TMEM236: variants seen among roughly 807,000 people sequenced by gnomAD.
TMEM236 encodes the protein transmembrane protein 236.
A neutral mutation model predicts 14.7 loss-of-function variants in TMEM236; 11 were observed. That is an observed-to-expected ratio of 0.75 (90% CI 0.47 to 1.24). The LOEUF (loss-of-function observed/expected upper bound fraction) is 1.24. Ranked by LOEUF, TMEM236 falls within the 50% of genes most tolerant of loss-of-function variation. The probability of loss-of-function intolerance (pLI) is 0.00; values close to 1 mark genes in which losing one functional copy is unlikely to be tolerated. For missense variants in TMEM236, 464 were observed against 427.3 expected (o/e 1.09, Z -0.76); for synonymous variants, 182 against 168.6 (o/e 1.08, Z -0.62).
intron 1 of TMEM236, among the ~76,000 whole-genome samples, chr10:17,768,086 G>GTTTTTTTTTTTTTTT (rs879036347): frequency 2.6e-4 from 24 of 92,022 alleles, no homozygotes; most frequent in Non-Finnish European, 3.7e-4. Context: ...AATTTTTGTG[G>GTTTTTTTTTTTTTTT]TTTTTTTTTT....
At chr10:17,777,069 A>C (rs1554835179) in intron 3 of TMEM236, among the ~76,000 whole-genome samples, 1 of 152,152 alleles carries the variant, frequency 6.6e-6, no homozygotes. Context: ...CAACTGAGTG[A>C]GCCTCAGGAG....
At position 17,795,984 on chromosome 10, in the gene TMEM236, T is replaced by G; in HGVS notation, c.536T>G (p.Val179Gly). ...LQHIKTVTEQ[V>G]RQSPENAASP... is the part of the protein sequence containing the mutation. Reference sequence around the variant, plus strand: ...CACATAAAAACTGTGACGGAGCAAGTGAGGCAAAGTCCAGAAAACGCTGCA... The same window carrying G: ...CACATAAAAACTGTGACGGAGCAAGGGAGGCAAAGTCCAGAAAACGCTGCA... Residue 179 changes from valine (V) to glycine (G), a missense_variant, in exon 4 of 4, where the codon GTG (valine) becomes GGG (glycine). By Grantham distance (109) the Val-to-Gly change is moderately radical. Transcript: ENST00000377495. 1 of 1,613,890 alleles carries G rather than the reference T, an allele frequency of 6.2e-7. No individual in the cohort carries two copies. The highest frequency in any genetic ancestry group is 8.5e-7 in the Non-Finnish European group (1 of 1,179,862).
intron 3 of TMEM236, among the ~76,000 whole-genome samples, chr10:17,794,252 C>T (rs1353505822): frequency 6.6e-6 from 1 of 152,026 alleles, no homozygotes; most frequent in Admixed American, 6.6e-5. Context: ...TTTTTATTGA[C>T]TTTGTCTCTT....
intron 1 of TMEM236, among the ~76,000 whole-genome samples, chr10:17,754,205 G>A (rs920650916): frequency 3.7e-4 from 57 of 152,270 alleles, no homozygotes; most frequent in African/African-American, 1.3e-3. Flanking sequence ...TTAATTTTGC[G>A]TAAAACTGAA....
At chr10:17,781,500 G>A (rs1477377420) in intron 3 of TMEM236, among the ~76,000 whole-genome samples, 1 of 152,062 alleles carries the variant, frequency 6.6e-6, no homozygotes, top group East Asian at 1.9e-4. Context: ...CACTTTGTGG[G>A]GCTGAGGTTG....
intron 1 of TMEM236, among the ~76,000 whole-genome samples, chr10:17,755,478 A>G (rs1589137350): frequency 6.6e-6 from 1 of 152,180 alleles, no homozygotes; most frequent in Non-Finnish European, 1.5e-5. Flanking sequence ...GAACCTTGCC[A>G]GGAGACTTTC....
chr10:17,753,595 TGCATA>T (rs1837240696), intron 1 of TMEM236, among the ~76,000 whole-genome samples: 1 of 152,246 alleles, frequency 6.6e-6, no homozygotes, highest in African/African-American at 2.4e-5. Flanking sequence ...TTTTCATGAT[TGCATA>T]GCATTCGATA....
intron 1 of TMEM236, among the ~76,000 whole-genome samples, chr10:17,760,130 G>T (rs1351496917): frequency 6.6e-6 from 1 of 151,936 alleles, no homozygotes; most frequent in Non-Finnish European, 1.5e-5. Context: ...GAAGGAAATG[G>T]AACTCACCTT....
At chr10:17,756,621 C>T (rs1465166030) in intron 1 of TMEM236, among the ~76,000 whole-genome samples, 4 of 152,070 alleles carry the variant, frequency 2.6e-5, no homozygotes, top group African/African-American at 9.7e-5. Flanking sequence ...ATGAGTTTAT[C>T]GTTATTATTG....
chr10:17,760,339 A>G (rs1482610987), intron 1 of TMEM236, among the ~76,000 whole-genome samples: 1 of 144,036 alleles, frequency 6.9e-6, no homozygotes, highest in East Asian at 2.2e-4. Flanking sequence ...TTCTGTTGGT[A>G]TGTCCATTTT....
chr10:17,771,360 CT>C lies in TMEM236; in HGVS notation c.313del (p.Ser105ProfsTer2). ...TCCTCACCACACTGCCCTGCCTCAC[CT>C]TTTCCATAGCAGTGACTGAGGTATG... Reference protein sequence around the residue: ...VVLTTLPCLTFSIAVTEVQKS... With the variant: ...VVLTTLPCLTXSIAVTEVQKS... On this transcript the variant is annotated frameshift_variant, in exon 2 of 4. Coordinates refer to ENST00000377495, the MANE Select transcript of TMEM236 (RefSeq NM_001098844.3). LOFTEE classifies it high-confidence loss of function. 1 of 1,613,898 alleles carries C rather than the reference CT, an allele frequency of 6.2e-7. No homozygotes were observed. Among genetic ancestry groups the C allele is most frequent in the Non-Finnish European group, 8.5e-7 (1 of 1,179,824 alleles).
chr10:17,771,912 T>C (rs370410618), intron 2 of TMEM236, among the ~76,000 whole-genome samples: 8,277 of 152,256 alleles, frequency 0.054, 308 homozygotes, highest in Non-Finnish European at 0.081. Context: ...TTCAGGCTTG[T>C]AAGTACTTCA....
At chr10:17,771,508 T>C (rs1837572828) in intron 2 of TMEM236, 127 bp downstream of exon 2, 2 of 906,248 alleles carry the variant, frequency 2.2e-6, no homozygotes, top group African/African-American at 3.3e-5. Flanking sequence ...TTCTTCCAGG[T>C]TGCAATATAT....
At chr10:17,783,713 G>A (rs1276499342) in intron 3 of TMEM236, among the ~76,000 whole-genome samples, 3 of 152,150 alleles carry the variant, frequency 2.0e-5, no homozygotes, top group East Asian at 1.9e-4. Context: ...AAATAGCAAC[G>A]TAAAGAAATA....
chr10:17,774,030 TTTGTTTGTTTGTTTG>T, intron 2 of TMEM236, among the ~76,000 whole-genome samples: 1 of 57,646 alleles, frequency 1.7e-5, no homozygotes, highest in East Asian at 2.9e-4. Context: ...TATATATATT[TTTGTTTGTTTGTTTG>T]TTTGTTTGTT....
In TMEM236 at chr10:17,787,961, T is replaced by C. The variant is rs898335193; in HGVS notation, c.473-7960T>C. Reference sequence around the variant, plus strand: ...ACGGGTAGAGGCATTTCAGACCATTTCAAAGTATAGGATTATTTCTCTTTG... The same window carrying C: ...ACGGGTAGAGGCATTTCAGACCATTCCAAAGTATAGGATTATTTCTCTTTG... On this transcript the variant is annotated intron_variant, in intron 3 of 3. Coordinates refer to ENST00000377495, the MANE Select transcript of TMEM236 (RefSeq NM_001098844.3). Among the ~76,000 whole-genome samples the C allele has an allele frequency of 4.6e-4, 70 of 152,224 alleles. 1 individual carries two copies. The highest frequency in any genetic ancestry group is 1.7e-3 in the African/African-American group (69 of 41,520).
chr10:17,756,085 A>G (rs1210311048), intron 1 of TMEM236, among the ~76,000 whole-genome samples: 1 of 152,138 alleles, frequency 6.6e-6, no homozygotes, highest in Non-Finnish European at 1.5e-5. Context: ...TGGGCAACAT[A>G]GTGAGACCTC....
At chr10:17,783,093 C>A (rs910811431) in intron 3 of TMEM236, among the ~76,000 whole-genome samples, 1 of 151,982 alleles carries the variant, frequency 6.6e-6, no homozygotes, top group Non-Finnish European at 1.5e-5. Context: ...AGGTGACTGG[C>A]AAAACAGAAG....
chr10:17,764,452 C>A (rs1837427885), intron 1 of TMEM236, among the ~76,000 whole-genome samples: 1 of 152,208 alleles, frequency 6.6e-6, no homozygotes, highest in African/African-American at 2.4e-5. Flanking sequence ...GCATTCTTTG[C>A]AGCATGAATA....
Sources: gnomAD v4.1 joint callset for allele counts (sites outside exome capture counted in the v4.1 genomes callset) on GRCh38, gnomAD v4.1.1 for gene constraint, MANE v1.5 for transcripts, NCBI Gene and HGNC (gene_info 2026-07-23, HGNC 2026-07-21) for gene names.